The following SCO1 variants were observed in gnomAD, a reference collection of about 807,000 sequenced individuals.
SCO1 encodes the protein cytochrome c oxidase assembly factor SCO1.
SCO1 carries 23 observed loss-of-function variants against 34.0 expected under a neutral mutation model. That is an observed-to-expected ratio of 0.68 (90% CI 0.49 to 0.96). SCO1 has a LOEUF of 0.96. Ranked by LOEUF, SCO1 falls within the 40% of genes least tolerant of loss-of-function variation. The probability of loss-of-function intolerance (pLI) is 0.00; values close to 1 mark genes in which losing one functional copy is unlikely to be tolerated. For synonymous variants in SCO1, 161 were observed against 145.5 expected, an observed-to-expected ratio of 1.11 and a Z score of -0.77; for missense variants, 404 against 381.6, an observed-to-expected ratio of 1.06 and a Z score of -0.49.
Position 10,693,546 on chromosome 17 carries a change from T to C in SCO1, c.365-585A>G, listed in dbSNP as rs117453620. 4.0e-4 allele frequency among the ~76,000 whole-genome samples: 61 copies of C among 152,322 alleles called. 1 individual carries two copies. The East Asian group carries it at 0.01, about 26-fold the overall frequency. On this transcript the variant is annotated intron_variant, in intron 2 of 5. Transcript: ENST00000255390. ...TAGTGTGAACTTCTATCTATATAGATATAAATAAATATAGATGTACATAAA... is the reference window on the plus strand; with the variant it reads ...TAGTGTGAACTTCTATCTATATAGACATAAATAAATATAGATGTACATAAA...
At chr17:10,689,221 A>G (rs1208727041) in intron 4 of SCO1, among the ~76,000 whole-genome samples, 2 of 152,024 alleles carry the variant, frequency 1.3e-5, no homozygotes, top group Non-Finnish European at 2.9e-5. Flanking sequence ...GGTAACAGGT[A>G]TGTTCATTTT....
intron 4 of SCO1, among the ~76,000 whole-genome samples, chr17:10,687,444 G>GT (rs1231993180): frequency 6.6e-6 from 1 of 152,176 alleles, no homozygotes; most frequent in African/African-American, 2.4e-5. Context: ...TCATGTAAGT[G>GT]AACCGGTAGA....
In SCO1 at chr17:10,691,969, AAG is replaced by A. The variant is rs1027590068; in HGVS notation, c.563-7_563-6del. Reference sequence around the variant, plus strand: ...CTGGCAGAGTTGTAATGCTATCTGAAAGAGAGTTCCAATTAGTCCGTATTCAC... The same window carrying A: ...CTGGCAGAGTTGTAATGCTATCTGAAAGAGTTCCAATTAGTCCGTATTCAC... On this transcript the variant is annotated splice_region_variant and splice_polypyrimidine_tract_variant and intron_variant, in intron 3 of 5. Transcript: ENST00000255390. 6 of 1,598,986 alleles carry A rather than the reference AAG, an allele frequency of 3.8e-6. No individual in the cohort carries two copies. The highest frequency in any genetic ancestry group is 1.3e-5 in the African/African-American group (1 of 74,492).
At chr17:10,693,958 A>G (rs900889639) in intron 2 of SCO1, among the ~76,000 whole-genome samples, 1 of 152,254 alleles carries the variant, frequency 6.6e-6, no homozygotes, top group African/African-American at 2.4e-5. Context: ...GGGGAACAGA[A>G]TATGTAAGTA....
In SCO1 at chr17:10,679,116, T is replaced by A. The variant is rs2074602539; in HGVS notation, c.*2003A>T. ...ACCCGCTACCATGCCCGGCTAATTT[T>A]TGTATTTTTAGGAGAGAGACGACGT... On this transcript the variant is annotated 3_prime_UTR_variant, in exon 6 of 6. Transcript: ENST00000255390. 1 of 152,200 alleles carries A rather than the reference T, an allele frequency of 6.6e-6. No homozygotes were observed. Among genetic ancestry groups the A allele is most frequent in the South Asian group, 2.1e-4 (1 of 4,828 alleles). The allele number at this position is 152,200 out of a possible 1,614,324, so 9.4% of individuals were successfully genotyped here.
In SCO1 at chr17:10,681,238, T is replaced by C. The variant is rs111708860; in HGVS notation, c.787A>G (p.Ile263Val). ...CCATCTGGTCCAATCAAGTACATTA[T>C]TATTGTGTGATCCACCTGCAGAGAA... ...DEDYIVDHTIIMYLIGPDGEF... is the reference protein window; with the variant it reads ...DEDYIVDHTIVMYLIGPDGEF... Residue 263 changes from isoleucine to valine, a missense_variant, in exon 6 of 6, where the codon ATA becomes GTA. Ile to Val is a conservative substitution (Grantham distance 29). Coordinates refer to ENST00000255390, the MANE Select transcript of SCO1 (RefSeq NM_004589.4). The C allele has an allele frequency of 1.8e-4, 290 of 1,614,124 alleles. No homozygotes were observed. The highest frequency in any genetic ancestry group is 2.4e-4 in the Non-Finnish European group (282 of 1,180,018).
chr17:10,674,760 C>G lies in SCO1; in HGVS notation c.*6359G>C, dbSNP rs577238954. The stretch of plus-strand genomic sequence containing the variant: ...TATGACCTCTTGAGACCAGGAGGCT[C>G]TCACAGGCATCTACAGAGCTCAGCC... On this transcript the variant is annotated 3_prime_UTR_variant, in exon 6 of 6. Transcript: ENST00000255390. 8 of 152,492 alleles carry G rather than the reference C, an allele frequency of 5.2e-5. No homozygotes were observed. The highest frequency in any genetic ancestry group is 3.4e-3 in the Middle Eastern group (1 of 294). 9.4% of individuals were successfully genotyped at this position (152,492 alleles called of 1,614,324 possible).
At position 10,695,843 on chromosome 17, in the gene SCO1, G is replaced by A. The variant is rs907064186; in HGVS notation, c.274-12C>T. On this transcript the variant is annotated splice_polypyrimidine_tract_variant and intron_variant, in intron 1 of 5. Transcript: ENST00000255390. ...TTCCAGGAAACAGGCTACTGGGGCAGGGATTTCAAACATAAAAATTCTAGT... is the reference window on the plus strand; with the variant it reads ...TTCCAGGAAACAGGCTACTGGGGCAAGGATTTCAAACATAAAAATTCTAGT... The A allele has an allele frequency of 1.2e-6, 2 of 1,603,542 alleles. No homozygotes were observed. The highest frequency in any genetic ancestry group is 2.7e-5 in the African/African-American group (2 of 74,668).
rs1193839194 is a variant in SCO1 at position 10,686,753 on chromosome 17, G to C, written c.745C>G (p.Pro249Ala). ...RAYRVYYSPGPKDEDEDYIVD... is the reference protein window; with the variant it reads ...RAYRVYYSPGAKDEDEDYIVD... ...ATGTAGTCTTCATCTTCGTCCTTGGGGCCAGGGCTGTAATACACTCTGTAT... is the reference window on the plus strand; with the variant it reads ...ATGTAGTCTTCATCTTCGTCCTTGGCGCCAGGGCTGTAATACACTCTGTAT... The change falls in exon 5 of 6, where the codon CCC (proline) becomes GCC (alanine). Residue 249 changes from proline (P) to alanine (A), a missense_variant. Pro to Ala is a conservative substitution (Grantham distance 27, BLOSUM62 -1). Coordinates refer to ENST00000255390, the MANE Select transcript of SCO1 (RefSeq NM_004589.4). 3 of 1,612,652 alleles carry C rather than the reference G, an allele frequency of 1.9e-6. No individual in the cohort carries two copies. The highest frequency in any genetic ancestry group is 1.1e-5 in the South Asian group (1 of 91,060).
intron 2 of SCO1, among the ~76,000 whole-genome samples, chr17:10,693,375 T>C (rs1257065895): frequency 1.3e-5 from 2 of 151,986 alleles, no homozygotes; most frequent in African/African-American, 4.8e-5. Context: ...GTGATAGTGG[T>C]GACGGGACCT....
Position 10,686,167 on chromosome 17 carries a change from G to A in SCO1, c.771+560C>T, listed in dbSNP as rs547506230. Among the ~76,000 whole-genome samples, 214 of 152,296 alleles carry A rather than the reference G, an allele frequency of 1.4e-3. 3 individuals are homozygous for A. The highest frequency in any genetic ancestry group is 4.8e-3 in the African/African-American group (201 of 41,566). ...TGAGGGAGGAGAATTGCTTGAATCC[G>A]GGAGGCGGAGGTCGAAGTGAGCCAA... On this transcript the variant is annotated intron_variant, in intron 5 of 5. Coordinates refer to ENST00000255390, the MANE Select transcript of SCO1 (RefSeq NM_004589.4).
rs968409739 is a variant in SCO1 at position 10,679,030 on chromosome 17, C to G, written c.*2089G>C. On this transcript the variant is annotated 3_prime_UTR_variant, in exon 6 of 6. Coordinates refer to ENST00000255390, the MANE Select transcript of SCO1 (RefSeq NM_004589.4). ...GCGCAATCTTGCCTCACTGCCACCT[C>G]TGCCTCCTGGGTTCAAGCGATTCTC... The G allele has an allele frequency of 6.6e-6, 1 of 152,320 alleles. No individual in the cohort carries two copies. Among genetic ancestry groups the G allele is most frequent in the Non-Finnish European group, 1.5e-5 (1 of 68,172 alleles). 9.4% of individuals were successfully genotyped at this position (152,320 alleles called of 1,614,324 possible). A position where few individuals can be genotyped will look rare whatever the true frequency, so the allele number is the denominator to read the frequency against.
intron 5 of SCO1, among the ~76,000 whole-genome samples, chr17:10,684,907 T>G (rs1274492859): frequency 1.3e-5 from 2 of 152,244 alleles, no homozygotes. Flanking sequence ...GTCCCTCTAC[T>G]TTCCTTACAA....
At position 10,680,763 on chromosome 17, in the gene SCO1, C is replaced by T. The variant is rs1355501884; in HGVS notation, c.*356G>A. ...CAGCTATTTGAGCAAGGGCCCAAGA[C>T]GATGGAGAGGCGGCAAAGCTGCTGG... On this transcript the variant is annotated 3_prime_UTR_variant, in exon 6 of 6. Transcript: ENST00000255390. 1.4e-5 allele frequency: 5 copies of T among 359,882 alleles called. No individual in the cohort carries two copies. Among genetic ancestry groups the T allele is most frequent in the African/African-American group, 6.3e-5 (3 of 47,902 alleles). The allele number at this position is 359,882 out of a possible 1,614,324, so 22.3% of individuals were successfully genotyped here.
rs973184150 is a variant in SCO1 at position 10,693,056 on chromosome 17, T to A, written c.365-95A>T. ...CATATGGCCCGTACTATGCTACTCA[T>A]GGTGGGGGCACAAAATGTGGAAAAA... is the stretch of plus-strand genomic sequence containing the variant. On this transcript the variant is annotated intron_variant, in intron 2 of 5. Coordinates refer to ENST00000255390, the MANE Select transcript of SCO1 (RefSeq NM_004589.4). The A allele has an allele frequency of 1.4e-5, 14 of 1,009,502 alleles. No individual in the cohort carries two copies. The Admixed American group carries it at 2.9e-4, about 21-fold the overall frequency. 62.5% of individuals were successfully genotyped at this position (1,009,502 alleles called of 1,614,324 possible). A position where few individuals can be genotyped will look rare whatever the true frequency, so the allele number is the denominator to read the frequency against.
At chr17:10,683,451 T>C (rs994211122) in intron 5 of SCO1, among the ~76,000 whole-genome samples, 7 of 152,092 alleles carry the variant, frequency 4.6e-5, no homozygotes, top group African/African-American at 1.4e-4. Flanking sequence ...ATGTGAGAAA[T>C]ACTGTTAAAC....
chr17:10,697,102 G>C (rs2074734899), intron 1 of SCO1, 133 bp downstream of exon 1: 6 of 850,732 alleles, frequency 7.1e-6, no homozygotes, highest in Non-Finnish European at 1.1e-5. Flanking sequence ...CCATGACCCA[G>C]GTAAGGCGCG....
At chr17:10,695,533 C>T in intron 2 of SCO1, 3 of 517,370 alleles carry the variant, frequency 5.8e-6, no homozygotes, top group Admixed American at 6.6e-5. Flanking sequence ...TTTAAAATTT[C>T]TTAGTCATGA....
At chr17:10,696,444 C>G (rs1264062225) in intron 1 of SCO1, among the ~76,000 whole-genome samples, 2 of 152,068 alleles carry the variant, frequency 1.3e-5, no homozygotes, top group African/African-American at 2.4e-5. Flanking sequence ...AACTCCGTCT[C>G]AAAACAAAAA....
Sources: allele counts gnomAD v4.1 joint callset (sites outside exome capture counted in the v4.1 genomes callset), GRCh38; gene constraint gnomAD v4.1.1; transcripts MANE v1.5; gene names NCBI Gene and HGNC (gene_info 2026-07-23, HGNC 2026-07-21).